ENTREP2: variants seen among roughly 807,000 people sequenced by gnomAD.
ENTREP2 encodes protein ENTREP2.
chr15:29,533,586 G>A, the ENTREP2 span, among the ~76,000 whole-genome samples: 1 of 152,124 alleles, frequency 6.6e-6, no homozygotes, highest in Admixed American at 6.6e-5. Context: ...ATGCAACCCA[G>A]AAAATTTGGC....
chr15:29,183,318 C>G, the ENTREP2 span, among the ~76,000 whole-genome samples: 950 of 152,308 alleles, frequency 6.2e-3, 3 homozygotes, highest in Non-Finnish European at 0.011. Context: ...CTGAGGACAT[C>G]GAGAAGCAAG....
chr15:29,537,670 G>A, the ENTREP2 span, among the ~76,000 whole-genome samples: 6 of 152,120 alleles, frequency 3.9e-5, no homozygotes, highest in African/African-American at 1.4e-4. Flanking sequence ...GAGCTGCCAG[G>A]ATGATCCGGT....
the ENTREP2 span, among the ~76,000 whole-genome samples, chr15:29,279,380 T>G: frequency 6.6e-6 from 1 of 152,034 alleles, no homozygotes; most frequent in African/African-American, 2.4e-5. Flanking sequence ...ATTTTTTTTT[T>G]TTTGAGATGG....
At chr15:29,571,735 C>G in the ENTREP2 span, among the ~76,000 whole-genome samples, 1 of 152,202 alleles carries the variant, frequency 6.6e-6, no homozygotes, top group Non-Finnish European at 1.5e-5. Context: ...TTTAAAATAT[C>G]TAAGTACTGG....
At chr15:29,624,871 T>TTGTGTGTGTGTGTGTG in the ENTREP2 span, among the ~76,000 whole-genome samples, 4 of 143,624 alleles carry the variant, frequency 2.8e-5, no homozygotes, top group East Asian at 6.1e-4. Context: ...CTGCATTAAT[T>TTGTGTGTGTGTGTGTG]TGTGTGTGTG....
the ENTREP2 span, among the ~76,000 whole-genome samples, chr15:29,649,053 C>A: frequency 2.8e-4 from 41 of 144,508 alleles, no homozygotes; most frequent in African/African-American, 1.0e-3. Context: ...AAAAGGGACA[C>A]ATGTACACAC....
chr15:29,206,995 T>C, the ENTREP2 span, among the ~76,000 whole-genome samples: 10 of 152,196 alleles, frequency 6.6e-5, no homozygotes, highest in East Asian at 1.9e-4. Context: ...AGGGCCAACA[T>C]AGACATGCTC....
chr15:29,208,535 G>A, the ENTREP2 span, among the ~76,000 whole-genome samples: 14 of 152,290 alleles, frequency 9.2e-5, no homozygotes, highest in East Asian at 5.8e-4. Context: ...TGAGGGAGGC[G>A]CCAGCACACC....
chr15:29,459,594 C>G, the ENTREP2 span, among the ~76,000 whole-genome samples: 1 of 152,204 alleles, frequency 6.6e-6, no homozygotes, highest in Non-Finnish European at 1.5e-5. Flanking sequence ...CTAACTCCCT[C>G]AGAGACTAAC....
the ENTREP2 span, among the ~76,000 whole-genome samples, chr15:29,583,884 A>T: frequency 6.6e-6 from 1 of 152,144 alleles, no homozygotes; most frequent in Non-Finnish European, 1.5e-5. Flanking sequence ...ACAACAATTA[A>T]CTCAAAATCC....
chr15:29,223,818 C>T, the ENTREP2 span, among the ~76,000 whole-genome samples: 1 of 152,198 alleles, frequency 6.6e-6, no homozygotes, highest in East Asian at 1.9e-4. Context: ...TCCTTCTACA[C>T]TGCAGGTATC....
chr15:29,561,939 T>C, the ENTREP2 span, among the ~76,000 whole-genome samples: 28 of 152,178 alleles, frequency 1.8e-4, 1 homozygote, highest in Middle Eastern at 3.4e-3. Flanking sequence ...ACAGCAATAA[T>C]GTTAGGTGAT....
chr15:29,123,797 T>TC, the ENTREP2 span: 4 of 780,952 alleles, frequency 5.1e-6, no homozygotes, highest in African/African-American at 7.0e-5. Context: ...TGCCCTGCTG[T>TC]CCCCATCCCT....
At chr15:29,610,330 A>G in the ENTREP2 span, 8 of 150,496 alleles carry the variant, frequency 5.3e-5, 2 homozygotes, top group Admixed American at 3.3e-4. Context: ...GTCATATGCC[A>G]TTTCTGAGAG....
the ENTREP2 span, among the ~76,000 whole-genome samples, chr15:29,521,317 A>T: frequency 2.0e-5 from 3 of 152,244 alleles, no homozygotes; most frequent in Non-Finnish European, 4.4e-5. Flanking sequence ...ACAGAAATTC[A>T]AAGGATATAG....
chr15:29,354,337 T>C, the ENTREP2 span, among the ~76,000 whole-genome samples: 1 of 152,180 alleles, frequency 6.6e-6, no homozygotes, highest in East Asian at 1.9e-4. Context: ...AGATGGCAGA[T>C]TGTGGGACTT....
At chr15:29,485,960 A>G in the ENTREP2 span, among the ~76,000 whole-genome samples, 1 of 152,228 alleles carries the variant, frequency 6.6e-6, no homozygotes, top group Non-Finnish European at 1.5e-5. Context: ...GAGATTTCTC[A>G]AAAAAGTAAA....
At chr15:29,534,677 G>C in the ENTREP2 span, among the ~76,000 whole-genome samples, 1 of 152,162 alleles carries the variant, frequency 6.6e-6, no homozygotes, top group Non-Finnish European at 1.5e-5. Flanking sequence ...TCGGTCCACA[G>C]AGGCACCCTA....
the ENTREP2 span, among the ~76,000 whole-genome samples, chr15:29,312,280 T>C: frequency 6.6e-6 from 1 of 151,658 alleles, no homozygotes; most frequent in Admixed American, 6.6e-5. Flanking sequence ...TTGCAGAGCA[T>C]ATGTTTATGT....
Sources: allele counts gnomAD v4.1 joint callset (sites outside exome capture counted in the v4.1 genomes callset), GRCh38; gene constraint gnomAD v4.1.1; transcripts MANE v1.5; gene names NCBI Gene and HGNC (gene_info 2026-07-23, HGNC 2026-07-21).